The following MMP26 variants were observed in gnomAD, a reference collection of about 807,000 sequenced individuals.
The protein encoded by MMP26 is matrix metalloproteinase-26.
A neutral mutation model predicts 31.0 loss-of-function variants in MMP26; 33 were observed. The ratio of observed to expected loss-of-function variants is 1.06; its 90% CI spans 0.81 to 1.42. The LOEUF is 1.42. MMP26 is among the 40% of genes most tolerant of loss of function. The probability of loss-of-function intolerance (pLI) is 0.00; values close to 1 mark genes in which losing one functional copy is unlikely to be tolerated. For missense variants in MMP26, 347 were observed against 316.1 expected (o/e 1.10, Z -0.74); for synonymous variants, 122 against 114.9 (o/e 1.06, Z -0.40).
intron 1 of MMP26, among the ~76,000 whole-genome samples, chr11:4,724,893 A>G (rs938850330): frequency 6.6e-6 from 1 of 152,214 alleles, no homozygotes; most frequent in Non-Finnish European, 1.5e-5. Context: ...TTATAGACTG[A>G]TATGGTTTGG....
intron 2 of MMP26, among the ~76,000 whole-genome samples, chr11:4,831,676 A>C (rs953211721): frequency 2.0e-5 from 3 of 152,176 alleles, no homozygotes; most frequent in Non-Finnish European, 4.4e-5. Flanking sequence ...TGATAACATA[A>C]GATTTAGGTC....
chr11:4,899,440 T>C (rs1490342087), intron 2 of MMP26, among the ~76,000 whole-genome samples: 1 of 152,218 alleles, frequency 6.6e-6, no homozygotes, highest in East Asian at 1.9e-4. Context: ...TTCTAAATTC[T>C]TCTTTAGTAA....
intron 2 of MMP26, among the ~76,000 whole-genome samples, chr11:4,890,979 GAATAATAAT>G (rs71050436): frequency 0.025 from 3,371 of 137,100 alleles, 98 homozygotes; most frequent in African/African-American, 0.068. Context: ...AATGAACTCA[GAATAATAAT>G]AATAATAATA....
At chr11:4,885,613 C>A (rs139238256) in intron 2 of MMP26, among the ~76,000 whole-genome samples, 2 of 152,074 alleles carry the variant, frequency 1.3e-5, no homozygotes, top group Admixed American at 1.3e-4. Flanking sequence ...ATGATAGTCA[C>A]GCAATGATGC....
chr11:4,941,655 G>T (rs1400701924), intron 2 of MMP26, among the ~76,000 whole-genome samples: 1 of 152,144 alleles, frequency 6.6e-6, no homozygotes, highest in Non-Finnish European at 1.5e-5. Flanking sequence ...GAGGCATGCT[G>T]CTTGACTATC....
intron 2 of MMP26, among the ~76,000 whole-genome samples, chr11:4,813,703 T>G (rs373438333): frequency 6.6e-6 from 1 of 152,064 alleles, no homozygotes; most frequent in East Asian, 1.9e-4. Context: ...GCTAAAGCTA[T>G]AGAGCTTCTT....
chr11:4,710,361 A>C (rs1354979313), intron 1 of MMP26: 1 of 456,910 alleles, frequency 2.2e-6, no homozygotes, highest in Admixed American at 2.3e-5. Context: ...ACCAGTGCAC[A>C]GATTTGGAAA....
intron 1 of MMP26, among the ~76,000 whole-genome samples, chr11:4,751,113 A>G (rs75619270): frequency 0.017 from 2,607 of 152,198 alleles, 83 homozygotes; most frequent in African/African-American, 0.058. Flanking sequence ...ACACATGTCA[A>G]GTATTGAATC....
intron 2 of MMP26, chr11:4,946,512 C>A (rs1268692113): frequency 8.7e-6 from 14 of 1,608,688 alleles, no homozygotes; most frequent in East Asian, 2.2e-5. Context: ...TAGATAACAT[C>A]AATTCTGTTG....
At chr11:4,950,581 G>C (rs1449691687) in intron 2 of MMP26, among the ~76,000 whole-genome samples, 1 of 120,700 alleles carries the variant, frequency 8.3e-6, no homozygotes, top group Non-Finnish European at 1.9e-5. Context: ...GAATAAATTC[G>C]ATTATTTTAT....
chr11:4,926,736 G>A (rs1449430904), intron 2 of MMP26, among the ~76,000 whole-genome samples: 2 of 152,022 alleles, frequency 1.3e-5, no homozygotes, highest in Non-Finnish European at 2.9e-5. Context: ...TTTTGGATAT[G>A]GGTAAGAGGC....
chr11:4,800,800 C>T (rs1849169992), intron 2 of MMP26, among the ~76,000 whole-genome samples: 1 of 151,290 alleles, frequency 6.6e-6, no homozygotes, highest in East Asian at 1.9e-4. Flanking sequence ...GCAGTGAGGC[C>T]ATCTCTTGCA....
intron 1 of MMP26, chr11:4,736,414 C>T (rs1158910481): frequency 7.2e-5 from 11 of 152,108 alleles, no homozygotes; most frequent in Admixed American, 7.2e-4. Context: ...TCTGGGGAAG[C>T]AATGCTTAGG....
chr11:4,832,610 C>T lies in MMP26; in HGVS notation c.-145+65269C>T, dbSNP rs111887027. On this transcript the variant is annotated intron_variant, in intron 2 of 7. Transcript: ENST00000380390. ...CATTAAAAGCATTCTCCTAGTGCTA[C>T]CCCTTTTACTTTAAAGAGACTCAGA... is the stretch of plus-strand genomic sequence containing the variant. 7.4e-3 allele frequency: 1,182 copies of T among 159,680 alleles called. 17 individuals carry two copies. The highest frequency in any genetic ancestry group is 0.027 in the African/African-American group (1,126 of 41,648). 9.9% of individuals were successfully genotyped at this position (159,680 alleles called of 1,614,324 possible). A position where few individuals can be genotyped will look rare whatever the true frequency, so the allele number is the denominator to read the frequency against.
At chr11:4,977,024 A>G (rs1280132497) in intron 2 of MMP26, among the ~76,000 whole-genome samples, 1 of 152,038 alleles carries the variant, frequency 6.6e-6, no homozygotes, top group African/African-American at 2.4e-5. Flanking sequence ...ATTTATTTTT[A>G]GAGGCCAGTC....
chr11:4,925,751 C>G (rs553353943), intron 2 of MMP26, among the ~76,000 whole-genome samples: 1 of 144,724 alleles, frequency 6.9e-6, no homozygotes, highest in African/African-American at 2.6e-5. Flanking sequence ...TCAATAAAAC[C>G]AAGCCACCAC....
intron 2 of MMP26, among the ~76,000 whole-genome samples, chr11:4,847,170 C>G (rs1480315308): frequency 6.6e-6 from 1 of 152,170 alleles, no homozygotes; most frequent in African/African-American, 2.4e-5. Context: ...ATCCTATTGA[C>G]CAAAACAAGT....
At chr11:4,840,887 T>A (rs1374316367) in intron 2 of MMP26, among the ~76,000 whole-genome samples, 3 of 152,204 alleles carry the variant, frequency 2.0e-5, no homozygotes, top group Non-Finnish European at 4.4e-5. Flanking sequence ...ATACCTGTGT[T>A]GAGGAAACTC....
At chr11:4,842,674 A>G (rs76897669) in intron 2 of MMP26, among the ~76,000 whole-genome samples, 14,467 of 152,214 alleles carry the variant, frequency 0.095, 815 homozygotes, top group African/African-American at 0.16. Flanking sequence ...GCCAAAACAT[A>G]TCATTCTGCC....
Sources: gnomAD v4.1 joint callset for allele counts (sites outside exome capture counted in the v4.1 genomes callset) on GRCh38, gnomAD v4.1.1 for gene constraint, MANE v1.5 for transcripts, NCBI Gene and HGNC (gene_info 2026-07-23, HGNC 2026-07-21) for gene names.